TPST2: variants seen among roughly 807,000 people sequenced by gnomAD.
TPST2 encodes tyrosylprotein sulfotransferase 2, also known as protein-tyrosine sulfotransferase 2.
In TPST2, 16 loss-of-function variants were observed where a neutral mutation model predicts 27.8. The observed-to-expected ratio is 0.58, with a 90% confidence interval of 0.39 to 0.88. The LOEUF is 0.88. TPST2 is among the 40% of genes least tolerant of loss of function. The pLI is 0.00. For synonymous variants in TPST2, 229 were observed against 231.7 expected, an observed-to-expected ratio of 0.99 and a Z score of 0.10; for missense variants, 464 against 543.1, an observed-to-expected ratio of 0.85 and a Z score of 1.45.
chr22:26,543,566 C>T (rs916237024), intron 2 of TPST2, among the ~76,000 whole-genome samples: 1 of 152,188 alleles, frequency 6.6e-6, no homozygotes, highest in Non-Finnish European at 1.5e-5. Context: ...CTCAGCCTCC[C>T]AAAGTGCTGG....
At position 26,522,017 on chromosome 22, in the gene TPST2, T is replaced by C. The variant is rs1350087140; in HGVS notation, c.*4258A>G. The C allele has an allele frequency of 2.0e-5, 3 of 152,186 alleles. No individual in the cohort carries two copies. The highest frequency in any genetic ancestry group is 2.9e-5 in the Non-Finnish European group (2 of 68,032). 9.4% of individuals were successfully genotyped at this position (152,186 alleles called of 1,614,324 possible). On this transcript the variant is annotated 3_prime_UTR_variant, in exon 7 of 7. Transcript: ENST00000338754. ...ATGGTTGGTTCATCACAACCTTTTA[T>C]TTCACAATATTAATAGTAATCATTA...
intron 1 of TPST2, among the ~76,000 whole-genome samples, chr22:26,552,774 T>C (rs879442581): frequency 6.6e-6 from 1 of 152,050 alleles, no homozygotes; most frequent in African/African-American, 2.4e-5. Context: ...GAAAAGACAC[T>C]ATCAGCCAGG....
intron 1 of TPST2, 85 bp from the exon 2 acceptor site, chr22:26,544,760 G>T: frequency 1.4e-6 from 1 of 739,804 alleles, no homozygotes; most frequent in South Asian, 6.1e-5. Context: ...GAGGGTTTAG[G>T]CTCCCAAGAG....
chr22:26,571,706 A>C (rs1186381818), intron 1 of TPST2, among the ~76,000 whole-genome samples: 1 of 152,118 alleles, frequency 6.6e-6, no homozygotes, highest in East Asian at 1.9e-4. Context: ...AACTCAACAC[A>C]ATCAACCTAA....
chr22:26,526,579 A>T (rs2283815), intron 6 of TPST2, among the ~76,000 whole-genome samples: 1 of 152,016 alleles, frequency 6.6e-6, no homozygotes, highest in Non-Finnish European at 1.5e-5. Context: ...TGTTTGTTCA[A>T]GGCCAACTCT....
At chr22:26,546,284 C>G (rs534374648) in intron 1 of TPST2, among the ~76,000 whole-genome samples, 1 of 152,248 alleles carries the variant, frequency 6.6e-6, no homozygotes, top group South Asian at 2.1e-4. Flanking sequence ...CAAGGTGTAA[C>G]CACAGCAACT....
intron 1 of TPST2, among the ~76,000 whole-genome samples, chr22:26,587,908 C>T (rs1928404267): frequency 6.6e-6 from 1 of 151,822 alleles, no homozygotes; most frequent in East Asian, 1.9e-4. Flanking sequence ...GCCTGGGCAA[C>T]ATAGTGGGAC....
chr22:26,525,867 T>G lies in TPST2; in HGVS notation c.*408A>C, dbSNP rs888869276. ...TCAAAGAAAGCCTCATATATTAAACTCTTAAATAGATTCTTTGAATTCAAA... is the reference window on the plus strand; with the variant it reads ...TCAAAGAAAGCCTCATATATTAAACGCTTAAATAGATTCTTTGAATTCAAA... On this transcript the variant is annotated 3_prime_UTR_variant, in exon 7 of 7. Coordinates refer to ENST00000338754, the MANE Select transcript of TPST2 (RefSeq NM_003595.5). 1 of 152,374 alleles carries G rather than the reference T, an allele frequency of 6.6e-6. No individual in the cohort carries two copies. The highest frequency in any genetic ancestry group is 1.5e-5 in the Non-Finnish European group (1 of 68,032). The allele number at this position is 152,374 out of a possible 1,614,324, so 9.4% of individuals were successfully genotyped here.
chr22:26,532,826 T>TCCACCCATCCACCTCGCCAC, intron 4 of TPST2, 81 bp from the exon 5 acceptor site: 2 of 1,287,690 alleles, frequency 1.6e-6, no homozygotes, highest in Non-Finnish European at 2.2e-6. Context: ...CATCCAGTCA[T>TCCACCCATCCACCTCGCCAC]CCACCCATCC....
intron 1 of TPST2, among the ~76,000 whole-genome samples, chr22:26,587,589 C>A (rs1928391677): frequency 6.6e-6 from 1 of 152,114 alleles, no homozygotes; most frequent in Admixed American, 6.5e-5. Flanking sequence ...GACCTGCCCA[C>A]CTTAGCTCCC....
At chr22:26,583,508 CTCCAATA>C (rs2145940864) in intron 1 of TPST2, among the ~76,000 whole-genome samples, 1 of 150,444 alleles carries the variant, frequency 6.6e-6, no homozygotes, top group East Asian at 2.0e-4. Context: ...CTCAGACAAC[CTCCAATA>C]TCCTAGAAAC....
At chr22:26,526,442 G>C (rs1169314947) in intron 6 of TPST2, among the ~76,000 whole-genome samples, 175 bp from the exon 7 acceptor site, 1 of 152,166 alleles carries the variant, frequency 6.6e-6, no homozygotes, top group Non-Finnish European at 1.5e-5. Context: ...CGTTTCCTGG[G>C]TTCTTCCCCA....
chr22:26,549,520 G>T (rs182572368), intron 1 of TPST2, among the ~76,000 whole-genome samples: 2 of 151,892 alleles, frequency 1.3e-5, no homozygotes, highest in Non-Finnish European at 2.9e-5. Context: ...AGCCAGGCAT[G>T]GTGGCGCGTG....
intron 1 of TPST2, among the ~76,000 whole-genome samples, chr22:26,546,768 C>T (rs1453742073): frequency 6.6e-6 from 1 of 152,226 alleles, no homozygotes. Context: ...CTGGACAGTG[C>T]ACATTTAGGA....
chr22:26,532,617 A>G, intron 5 of TPST2, 78 bp downstream of exon 5: 1 of 1,423,944 alleles, frequency 7.0e-7, no homozygotes, highest in Non-Finnish European at 9.8e-7. Context: ...TGGAGAAGTG[A>G]CACATCTAAG....
chr22:26,563,909 C>T (rs536468782), intron 1 of TPST2, among the ~76,000 whole-genome samples: 10 of 152,256 alleles, frequency 6.6e-5, no homozygotes, highest in African/African-American at 2.4e-4. Flanking sequence ...ATGCACAATA[C>T]GATTTGAGAA....
At chr22:26,528,063 T>C (rs779947997) in intron 6 of TPST2, among the ~76,000 whole-genome samples, 151 bp downstream of exon 6, 1 of 152,192 alleles carries the variant, frequency 6.6e-6, no homozygotes, top group African/African-American at 2.4e-5. Flanking sequence ...TCTGTCACCA[T>C]GGAAACCTCT....
intron 1 of TPST2, among the ~76,000 whole-genome samples, chr22:26,573,323 G>A (rs897784021): frequency 5.9e-5 from 9 of 152,324 alleles, no homozygotes; most frequent in Non-Finnish European, 1.0e-4. Context: ...GAGCCACGGC[G>A]CCCTGCCTAG....
intron 1 of TPST2, among the ~76,000 whole-genome samples, chr22:26,564,999 T>G (rs767927584): frequency 6.6e-6 from 1 of 151,988 alleles, no homozygotes; most frequent in Non-Finnish European, 1.5e-5. Context: ...GAGAATACTG[T>G]CTGCAGACCC....
Sources: allele counts gnomAD v4.1 joint callset (sites outside exome capture counted in the v4.1 genomes callset), GRCh38; gene constraint gnomAD v4.1.1; transcripts MANE v1.5; gene names NCBI Gene and HGNC (gene_info 2026-07-23, HGNC 2026-07-21).